SLC25A25: variants seen among roughly 807,000 people sequenced by gnomAD.
The protein encoded by SLC25A25 is mitochondrial adenyl nucleotide antiporter SLC25A25.
Under a neutral mutation model 57.7 loss-of-function variants are expected in SLC25A25, and 32 were observed. The ratio of observed to expected loss-of-function variants is 0.55; its 90% CI spans 0.42 to 0.74. SLC25A25 has a LOEUF of 0.74. Among genes scored for constraint, SLC25A25 ranks in the 30% least tolerant of loss-of-function variants. The pLI is 0.00. For missense variants in SLC25A25, 556 were observed against 701.3 expected (o/e 0.79, Z 2.34); for synonymous variants, 306 against 291.2 (o/e 1.05, Z -0.52).
chr9:128,068,643 C>A, intron 1 of SLC25A25, 63 bp downstream of exon 1: 1 of 1,373,480 alleles, frequency 7.3e-7, no homozygotes, highest in South Asian at 1.7e-5. Context: ...GGTGACAGGT[C>A]TCGGGGGACG....
chr9:128,094,924 G>A (rs1480614231), intron 1 of SLC25A25, among the ~76,000 whole-genome samples: 1 of 152,206 alleles, frequency 6.6e-6, no homozygotes, highest in Non-Finnish European at 1.5e-5. Flanking sequence ...CATAGGAATG[G>A]ACATCGGAGG....
chr9:128,097,383 G>A (rs1030356053), intron 1 of SLC25A25, among the ~76,000 whole-genome samples: 4 of 152,212 alleles, frequency 2.6e-5, no homozygotes, highest in African/African-American at 4.8e-5. Flanking sequence ...GTGACTATGC[G>A]TGGCTATCCT....
intron 1 of SLC25A25, among the ~76,000 whole-genome samples, chr9:128,100,046 C>T (rs769098346): frequency 6.6e-6 from 1 of 152,146 alleles, no homozygotes; most frequent in Non-Finnish European, 1.5e-5. Flanking sequence ...TGCAGGGAGG[C>T]GGCTTGGGAG....
rs1299740274 is a variant in SLC25A25 at position 128,068,293 on chromosome 9, G to A, written c.-27G>A. The A allele has an allele frequency of 2.4e-6, 3 of 1,269,060 alleles. No homozygotes were observed. Among genetic ancestry groups the A allele is most frequent in the Non-Finnish European group, 3.0e-6 (3 of 998,472 alleles). The allele number at this position is 1,269,060 out of a possible 1,614,324, so 78.6% of individuals were successfully genotyped here. On this transcript the variant is annotated 5_prime_UTR_variant, in exon 1 of 11. Transcript: ENST00000373069. Reference sequence around the variant, plus strand: ...CGGCCCGCCGCCCCCGCTCCCGCCCGCGCCCGGAGCCCCTGCCTCGCGCCC... The same window carrying A: ...CGGCCCGCCGCCCCCGCTCCCGCCCACGCCCGGAGCCCCTGCCTCGCGCCC...
At chr9:128,094,565 G>A (rs1833505996) in intron 1 of SLC25A25, 1 of 152,260 alleles carries the variant, frequency 6.6e-6, no homozygotes, top group Non-Finnish European at 1.5e-5. Flanking sequence ...TTAAGGGTGG[G>A]TGGGGCTTGA....
chr9:128,076,351 G>A (rs1457961589), intron 1 of SLC25A25, among the ~76,000 whole-genome samples: 1 of 151,878 alleles, frequency 6.6e-6, no homozygotes, highest in African/African-American at 2.4e-5. Flanking sequence ...GGCTGGTCTC[G>A]AACTCCTGAA....
intron 1 of SLC25A25, among the ~76,000 whole-genome samples, chr9:128,080,805 TATA>T (rs1462424224): frequency 6.6e-6 from 1 of 152,168 alleles, no homozygotes; most frequent in Non-Finnish European, 1.5e-5. Flanking sequence ...TTGGAATCCA[TATA>T]ATGTTAGAAC....
chr9:128,100,821 G>C (rs1442215824), intron 1 of SLC25A25: 1 of 444,064 alleles, frequency 2.3e-6, no homozygotes, highest in Non-Finnish European at 4.1e-6. Context: ...CTGTCCGGAG[G>C]GCTCTTCCCA....
chr9:128,080,266 A>C (rs75534904), intron 1 of SLC25A25, among the ~76,000 whole-genome samples: 1 of 148,916 alleles, frequency 6.7e-6, no homozygotes, highest in East Asian at 2.0e-4. Flanking sequence ...AAAAACCCAC[A>C]AAAAACCCAG....
Position 128,099,301 on chromosome 9 carries a change from G to A in SLC25A25, c.262-1795G>A. 1 of 1,280,432 alleles carries A rather than the reference G, an allele frequency of 7.8e-7. No homozygotes were observed. The highest frequency in any genetic ancestry group is 5.7e-5 in the East Asian group (1 of 17,502). The allele number at this position is 1,280,432 out of a possible 1,614,324, so 79.3% of individuals were successfully genotyped here. On this transcript the variant is annotated intron_variant, in intron 1 of 10. Transcript: ENST00000373069. The surrounding 1 kb of genome is among the most constrained non-coding windows in gnomAD (Gnocchi z 6.8). ...GCCCACTGTGCACCAAGGGGGATTT[G>A]CAGATCCAAGGAAGGAGACAGAAGG...
chr9:128,072,960 T>A (rs1588744364), intron 1 of SLC25A25, among the ~76,000 whole-genome samples: 1 of 152,204 alleles, frequency 6.6e-6, no homozygotes, highest in South Asian at 2.1e-4. Context: ...AAGGGGCTGG[T>A]GTTTATTGCA....
At chr9:128,091,620 G>C in intron 1 of SLC25A25, 1 of 1,165,918 alleles carries the variant, frequency 8.6e-7, no homozygotes, top group Non-Finnish European at 1.1e-6. Flanking sequence ...TATTGAAGAA[G>C]CTCCAGCTGC....
intron 1 of SLC25A25, among the ~76,000 whole-genome samples, chr9:128,084,292 A>C (rs1833227754): frequency 7.0e-6 from 1 of 142,108 alleles, no homozygotes; most frequent in Non-Finnish European, 1.5e-5. Flanking sequence ...ATACAGTCTC[A>C]CTCTGTTGCC....
rs887800772 is a variant in SLC25A25 at position 128,106,225 on chromosome 9, G to A, written c.1012G>A (p.Ala338Thr). 1.2e-6 allele frequency: 2 copies of A among 1,614,166 alleles called. No individual in the cohort carries two copies. Among genetic ancestry groups the A allele is most frequent in the South Asian group, 1.1e-5 (1 of 91,086 alleles). The change falls in exon 8 of 11, where the codon GCC becomes ACC. Residue 338 changes from alanine (A) to threonine (T), a missense_variant. Around this residue, in one of 3 missense-constraint regions of SLC25A25, gnomAD observed 294 missense variants for 389.6 expected, o/e 0.75. Coordinates refer to ENST00000373069, the MANE Select transcript of SLC25A25 (RefSeq NM_001330988.2). Reference protein sequence around the residue: ...ERLVAGSLAGAIAQSSIYPME... With the variant: ...ERLVAGSLAGTIAQSSIYPME... ...GCTTGTGGCAGGGTCCTTGGCAGGG[G>A]CCATCGCCCAGAGCAGCATCTACCC...
At chr9:128,087,714 C>A (rs1448184836) in intron 1 of SLC25A25, among the ~76,000 whole-genome samples, 1 of 152,230 alleles carries the variant, frequency 6.6e-6, no homozygotes, top group Non-Finnish European at 1.5e-5. Flanking sequence ...TCCCACCGCT[C>A]ACCAGTGCTC....
chr9:128,089,355 C>T (rs540998908), intron 1 of SLC25A25, among the ~76,000 whole-genome samples: 2 of 152,270 alleles, frequency 1.3e-5, no homozygotes, highest in African/African-American at 4.8e-5. Flanking sequence ...CTAATTTAGT[C>T]TTTAACCAAT....
At chr9:128,078,645 G>A (rs1345037316) in intron 1 of SLC25A25, among the ~76,000 whole-genome samples, 2 of 152,180 alleles carry the variant, frequency 1.3e-5, no homozygotes, top group Admixed American at 6.5e-5. Context: ...GCCGTGGATC[G>A]TCTTTCCTAA....
At chr9:128,071,322 A>T (rs1216840130) in intron 1 of SLC25A25, among the ~76,000 whole-genome samples, 2 of 152,180 alleles carry the variant, frequency 1.3e-5, no homozygotes, top group African/African-American at 4.8e-5. Flanking sequence ...ACTCCATGAC[A>T]GATCTAAGTT....
rs943648036 is a variant in SLC25A25 at position 128,078,112 on chromosome 9, A to G, written c.261+9532A>G. Among the ~76,000 whole-genome samples the G allele has an allele frequency of 2.0e-5, 3 of 152,108 alleles. 1 individual carries two copies. Among genetic ancestry groups the G allele is most frequent in the Admixed American group, 2.0e-4 (3 of 15,248 alleles). On this transcript the variant is annotated intron_variant, in intron 1 of 10. Transcript: ENST00000373069. Reference sequence around the variant, plus strand: ...GCTTGCTAGCTGAGTGACCTTGAACAAATGACTCACCCTCTCCAAGTCTGT... The same window carrying G: ...GCTTGCTAGCTGAGTGACCTTGAACGAATGACTCACCCTCTCCAAGTCTGT...
Sources: allele counts gnomAD v4.1 joint callset (sites outside exome capture counted in the v4.1 genomes callset), GRCh38; gene constraint gnomAD v4.1.1; regional missense constraint gnomAD v4.1.1; non-coding constraint Gnocchi (gnomAD v3.1); transcripts MANE v1.5; gene names NCBI Gene and HGNC (gene_info 2026-07-23, HGNC 2026-07-21).